The following SHISA9 variants were observed in gnomAD, a reference collection of about 807,000 sequenced individuals.
The protein encoded by SHISA9 is protein shisa-9.
SHISA9 carries 13 observed loss-of-function variants against 38.0 expected under a neutral mutation model. The observed-to-expected ratio is 0.34, with a 90% CI of 0.22 to 0.54. The LOEUF (loss-of-function observed/expected upper bound fraction) is 0.54. Among genes scored for constraint, SHISA9 ranks in the 20% least tolerant of loss-of-function variants. The pLI is 0.91. For missense variants in SHISA9, 538 were observed against 575.8 expected, an observed-to-expected ratio of 0.93 and a Z score of 0.67; for synonymous variants, 275 against 242.0, an observed-to-expected ratio of 1.14 and a Z score of -1.27.
intron 2 of SHISA9, among the ~76,000 whole-genome samples, chr16:12,979,969 G>A (rs779574052): frequency 3.3e-5 from 5 of 152,106 alleles, no homozygotes; most frequent in Non-Finnish European, 4.4e-5. Context: ...CATATTAAAT[G>A]CAGAGTCTTT....
the SHISA9 span, among the ~76,000 whole-genome samples, chr16:13,340,669 G>A: frequency 6.6e-6 from 1 of 152,208 alleles, no homozygotes; most frequent in Admixed American, 6.5e-5. Flanking sequence ...GCTTCAAACA[G>A]CTCTGTGGCT....
At chr16:13,513,685 A>G in the SHISA9 span, among the ~76,000 whole-genome samples, 2 of 152,198 alleles carry the variant, frequency 1.3e-5, no homozygotes, top group South Asian at 4.1e-4. Flanking sequence ...TGTCCTTTGC[A>G]AGGACATGGA....
At chr16:13,351,155 A>G in the SHISA9 span, among the ~76,000 whole-genome samples, 1 of 152,192 alleles carries the variant, frequency 6.6e-6, no homozygotes, top group Non-Finnish European at 1.5e-5. Flanking sequence ...TCACACAGCA[A>G]AAAGTGGCAG....
chr16:13,210,532 G>T (rs4781431), intron 3 of SHISA9, among the ~76,000 whole-genome samples: 1 of 152,000 alleles, frequency 6.6e-6, no homozygotes, highest in Non-Finnish European at 1.5e-5. Context: ...AGCACTTTTT[G>T]AAACAACAGC....
At chr16:13,465,520 C>T in the SHISA9 span, among the ~76,000 whole-genome samples, 6 of 152,154 alleles carry the variant, frequency 3.9e-5, no homozygotes, top group Non-Finnish European at 5.9e-5. Flanking sequence ...ATGAGAATCA[C>T]AGGATTTGGC....
At chr16:13,140,607 C>T (rs537786571) in intron 2 of SHISA9, among the ~76,000 whole-genome samples, 22 of 152,202 alleles carry the variant, frequency 1.4e-4, no homozygotes, top group Non-Finnish European at 3.1e-4. Flanking sequence ...AGACACAGTA[C>T]TAGGTACTGG....
At chr16:13,070,432 G>A (rs1227717883) in intron 2 of SHISA9, among the ~76,000 whole-genome samples, 1 of 151,422 alleles carries the variant, frequency 6.6e-6, no homozygotes, top group Non-Finnish European at 1.5e-5. Flanking sequence ...CTGGGTTGGC[G>A]GGCAGATTTT....
chr16:13,378,985 T>G, the SHISA9 span, among the ~76,000 whole-genome samples: 5 of 152,116 alleles, frequency 3.3e-5, no homozygotes, highest in Admixed American at 3.3e-4. Flanking sequence ...AATAAGAAAA[T>G]AGATGAATGG....
the SHISA9 span, among the ~76,000 whole-genome samples, chr16:13,453,829 C>T: frequency 5.6e-3 from 852 of 152,284 alleles, 6 homozygotes; most frequent in African/African-American, 0.019. Flanking sequence ...CTGCAGCTCA[C>T]CTCACTCCCA....
chr16:13,353,284 G>A, the SHISA9 span, among the ~76,000 whole-genome samples: 2 of 152,162 alleles, frequency 1.3e-5, no homozygotes, highest in Non-Finnish European at 2.9e-5. Context: ...TGTATGAACT[G>A]AAAAACTAAA....
At chr16:13,503,288 G>A in the SHISA9 span, among the ~76,000 whole-genome samples, 1 of 152,140 alleles carries the variant, frequency 6.6e-6, no homozygotes, top group Non-Finnish European at 1.5e-5. Flanking sequence ...ATCATGCAGG[G>A]TCTTAAAGTC....
chr16:13,270,702 A>G, the SHISA9 span, among the ~76,000 whole-genome samples: 4 of 152,184 alleles, frequency 2.6e-5, no homozygotes, highest in African/African-American at 7.2e-5. Flanking sequence ...GAAAATAAGG[A>G]TAATTATACA....
the SHISA9 span, among the ~76,000 whole-genome samples, chr16:13,392,874 GA>G: frequency 6.6e-6 from 1 of 152,194 alleles, no homozygotes; most frequent in Non-Finnish European, 1.5e-5. Flanking sequence ...GCCTGGAAGG[GA>G]TTCTCTTACT....
the SHISA9 span, among the ~76,000 whole-genome samples, chr16:13,272,735 G>T: frequency 6.6e-6 from 1 of 152,168 alleles, no homozygotes; most frequent in African/African-American, 2.4e-5. Context: ...AGAATGCCTT[G>T]GCAGTTGGAA....
intron 2 of SHISA9, among the ~76,000 whole-genome samples, chr16:13,107,955 G>A (rs2073943004): frequency 6.6e-6 from 1 of 152,136 alleles, no homozygotes; most frequent in African/African-American, 2.4e-5. Flanking sequence ...CAGTCAGTTT[G>A]ATTTATTTTT....
At chr16:13,428,675 G>C in the SHISA9 span, among the ~76,000 whole-genome samples, 1 of 152,248 alleles carries the variant, frequency 6.6e-6, no homozygotes, top group Non-Finnish European at 1.5e-5. Flanking sequence ...TTAATGAAGG[G>C]TCTTGTCTGT....
At chr16:13,551,749 C>T in the SHISA9 span, among the ~76,000 whole-genome samples, 1 of 152,158 alleles carries the variant, frequency 6.6e-6, no homozygotes, top group African/African-American at 2.4e-5. Context: ...AATTGGTAGG[C>T]CGGGAGCGGT....
chr16:13,434,069 C>T, the SHISA9 span, among the ~76,000 whole-genome samples: 1 of 152,206 alleles, frequency 6.6e-6, no homozygotes, highest in Non-Finnish European at 1.5e-5. Flanking sequence ...GCCAACAGTG[C>T]AGCCTTCAGT....
intron 2 of SHISA9, among the ~76,000 whole-genome samples, chr16:12,930,604 A>T (rs1472407023): frequency 6.6e-6 from 1 of 152,216 alleles, no homozygotes; most frequent in African/African-American, 2.4e-5. Flanking sequence ...AAAGCAAACT[A>T]AGGAGGGAAT....
Sources: gnomAD v4.1 joint callset for allele counts (sites outside exome capture counted in the v4.1 genomes callset) on GRCh38, gnomAD v4.1.1 for gene constraint, MANE v1.5 for transcripts, NCBI Gene and HGNC (gene_info 2026-07-23, HGNC 2026-07-21) for gene names.